The following RDH13 variants were observed in gnomAD, a reference collection of about 807,000 sequenced individuals.
RDH13 encodes retinol dehydrogenase 13, also known as retinol dehydrogenase 13 (all-trans and 9-cis).
RDH13 carries 35 observed loss-of-function variants against 28.3 expected under a neutral mutation model. The observed-to-expected ratio is 1.24, with a 90% CI of 0.95 to 1.64. The LOEUF is 1.64. Ranked by LOEUF, RDH13 falls within the 40% of genes most tolerant of loss-of-function variation. The pLI, the probability that RDH13 is intolerant of heterozygous loss-of-function variation, is 0.00. For synonymous variants in RDH13, 229 were observed against 198.5 expected (o/e 1.15, Z -1.29); for missense variants, 514 against 446.3 (o/e 1.15, Z -1.37).
chr19:55,065,121 C>T (rs1396054943), upstream of RDH13, among the ~76,000 whole-genome samples: 1 of 151,066 alleles, frequency 6.6e-6, no homozygotes, highest in Admixed American at 6.8e-5. Flanking sequence ...CATGGTGGCT[C>T]ATGCCTGTAA....
At chr19:55,061,073 C>T (rs1340942687) in intron 1 of RDH13, among the ~76,000 whole-genome samples, 2 of 152,060 alleles carry the variant, frequency 1.3e-5, no homozygotes, top group African/African-American at 4.8e-5. Context: ...CTCTTGGCCC[C>T]GCCTCCATCT....
chr19:55,040,776 G>A (rs2569513), downstream of RDH13: 122,924 of 152,260 alleles, frequency 0.81, 50,097 homozygotes, highest in East Asian at 0.98. Flanking sequence ...CTTATTGAAC[G>A]AGTGGTTTCA....
chr19:55,042,640 T>C (rs960853464), downstream of RDH13: 1 of 152,102 alleles, frequency 6.6e-6, no homozygotes, highest in Non-Finnish European at 1.5e-5. Flanking sequence ...ACACACACAG[T>C]CTCCGGTCGG....
Position 55,044,940 on chromosome 19 carries a change from T to C in RDH13, c.*134A>G. 1 of 667,834 alleles carries C rather than the reference T, an allele frequency of 1.5e-6. No individual in the cohort carries two copies. The highest frequency in any genetic ancestry group is 2.5e-6 in the Non-Finnish European group (1 of 395,328). 41.4% of individuals were successfully genotyped at this position (667,834 alleles called of 1,614,324 possible). On this transcript the variant is annotated 3_prime_UTR_variant, in exon 7 of 7. Transcript: ENST00000415061. The stretch of plus-strand genomic sequence containing the variant: ...GTCCACTGCGGCCAGCACCGCCCCC[T>C]AGAACCTACTGCGGGCATGGCGGCC...
downstream of RDH13, chr19:55,041,091 AC>A (rs2075016675): frequency 1.3e-5 from 2 of 152,264 alleles, no homozygotes; most frequent in African/African-American, 4.8e-5. Context: ...GCGCCACTGC[AC>A]TCCAGCCTGG....
intron 6 of RDH13, 136 bp from the exon 7 acceptor site, chr19:55,045,445 C>T: frequency 1.6e-6 from 1 of 636,380 alleles, no homozygotes; most frequent in Non-Finnish European, 2.7e-6. Context: ...TGGCTGCCTC[C>T]ATCTGCAGTT....
intron 3 of RDH13, among the ~76,000 whole-genome samples, 190 bp downstream of exon 3, chr19:55,056,463 A>G (rs2075636486): frequency 1.4e-5 from 1 of 71,898 alleles, no homozygotes; most frequent in South Asian, 4.7e-4. Flanking sequence ...TCTCAAAATA[A>G]CAGTAGTAAT....
At chr19:55,047,512 CTG>C in intron 5 of RDH13, 24 bp from the exon 6 acceptor site, 1 of 1,591,774 alleles carries the variant, frequency 6.3e-7, no homozygotes, top group Non-Finnish European at 8.5e-7. Context: ...AAAGAGAAGA[CTG>C]AGGGAGGGGT....
chr19:55,051,232 G>A (rs2075421144), intron 3 of RDH13, among the ~76,000 whole-genome samples: 2 of 152,142 alleles, frequency 1.3e-5, no homozygotes, highest in South Asian at 4.1e-4. Context: ...GAAGCTGACA[G>A]GAGGCCCCTC....
intron 3 of RDH13, among the ~76,000 whole-genome samples, chr19:55,053,579 C>G (rs886329310): frequency 6.6e-6 from 1 of 151,664 alleles, no homozygotes; most frequent in African/African-American, 2.4e-5. Flanking sequence ...ATGGCATGAA[C>G]CCGGGAGGCG....
upstream of RDH13, among the ~76,000 whole-genome samples, chr19:55,068,119 CTT>C (rs1491540063): frequency 6.7e-5 from 10 of 149,660 alleles, no homozygotes; most frequent in South Asian, 1.9e-3. Flanking sequence ...CTGTTTCTCT[CTT>C]TCTCTTTCTT....
In RDH13 at chr19:55,063,092, C is replaced by G; in HGVS notation, c.-60G>C. ...CGGCGCGGAGCTTGCTGCACACCAG[C>G]CGCCTGGGTAGCTCCGAGGAAGAGC... On this transcript the variant is annotated 5_prime_UTR_variant, in exon 1 of 7. Coordinates refer to ENST00000415061, the MANE Select transcript of RDH13 (RefSeq NM_001145971.2). 1 of 1,263,286 alleles carries G rather than the reference C, an allele frequency of 7.9e-7. No individual in the cohort carries two copies. The highest frequency in any genetic ancestry group is 1.6e-5 in the African/African-American group (1 of 64,192). The allele number at this position is 1,263,286 out of a possible 1,614,324, so 78.3% of individuals were successfully genotyped here. A position where few individuals can be genotyped will look rare whatever the true frequency, so the allele number is the denominator to read the frequency against.
chr19:55,044,110 G>A, downstream of RDH13: 1 of 152,004 alleles, frequency 6.6e-6, no homozygotes, highest in East Asian at 1.9e-4. Context: ...AGTAGAAACA[G>A]GGTTTCATTG....
At chr19:55,055,009 G>C (rs532393831) in intron 3 of RDH13, among the ~76,000 whole-genome samples, 9 of 152,156 alleles carry the variant, frequency 5.9e-5, no homozygotes, top group Non-Finnish European at 5.9e-5. Context: ...TCTATTTAAA[G>C]ATGAACAAGA....
chr19:55,060,035 T>C (rs2075761846), intron 1 of RDH13, among the ~76,000 whole-genome samples: 1 of 152,188 alleles, frequency 6.6e-6, no homozygotes, highest in Non-Finnish European at 1.5e-5. Context: ...ACACAGAGTA[T>C]TGTCCAAGGT....
At chr19:55,050,522 C>A (rs1424791105) in intron 3 of RDH13, among the ~76,000 whole-genome samples, 1 of 152,008 alleles carries the variant, frequency 6.6e-6, no homozygotes, top group Admixed American at 6.6e-5. Context: ...CTCCCAGGCT[C>A]AAGCAGTCTT....
rs56336556 is a variant in RDH13, at chr19:55,044,629, G to C, written c.*445C>G. ...TTATTCTGAGCATCTCACTGCTGAA[G>C]AAACCAAGGCTCAGAGAGGACCATG... On this transcript the variant is annotated 3_prime_UTR_variant, in exon 7 of 7. Coordinates refer to ENST00000415061, the MANE Select transcript of RDH13 (RefSeq NM_001145971.2). 247 of 169,248 alleles carry C rather than the reference G, an allele frequency of 1.5e-3. 1 individual carries two copies. In the Middle Eastern group the frequency reaches 0.016, roughly 11 times the overall value. 10.5% of individuals were successfully genotyped at this position (169,248 alleles called of 1,614,324 possible).
At chr19:55,061,339 C>T (rs2075801128) in intron 1 of RDH13, among the ~76,000 whole-genome samples, 1 of 152,038 alleles carries the variant, frequency 6.6e-6, no homozygotes, top group South Asian at 2.1e-4. Context: ...CCACGTTGGT[C>T]AGGCTGGTCT....
Position 55,044,992 on chromosome 19 carries a change from T to G in RDH13, c.*82A>C. 9.5e-7 allele frequency: 1 copy of G among 1,054,628 alleles called. No individual in the cohort carries two copies. The highest frequency in any genetic ancestry group is 1.4e-6 in the Non-Finnish European group (1 of 721,512). 65.3% of individuals were successfully genotyped at this position (1,054,628 alleles called of 1,614,324 possible). A position where few individuals can be genotyped will look rare whatever the true frequency, so the allele number is the denominator to read the frequency against. On this transcript the variant is annotated 3_prime_UTR_variant, in exon 7 of 7. Transcript: ENST00000415061. ...CCAGTCCTGGGTCTCCCGGCTCAGGTAGTGCCAGGAAGCTGCGGGCATGGC... is the reference window on the plus strand; with the variant it reads ...CCAGTCCTGGGTCTCCCGGCTCAGGGAGTGCCAGGAAGCTGCGGGCATGGC...
Sources: gnomAD v4.1 joint callset for allele counts (sites outside exome capture counted in the v4.1 genomes callset) on GRCh38, gnomAD v4.1.1 for gene constraint, MANE v1.5 for transcripts, NCBI Gene and HGNC (gene_info 2026-07-23, HGNC 2026-07-21) for gene names.